SPPL2A: variants seen among roughly 807,000 people sequenced by gnomAD.
SPPL2A encodes the protein signal peptide peptidase-like 2A.
SPPL2A carries 51 observed loss-of-function variants against 63.8 expected under a neutral mutation model. The observed-to-expected ratio is 0.80, with a 90% CI of 0.64 to 1.01. SPPL2A has a LOEUF of 1.01. Among genes scored for constraint, SPPL2A ranks in the 50% least tolerant of loss-of-function variants. The pLI is 0.00. For synonymous variants in SPPL2A, 188 were observed against 205.8 expected, an observed-to-expected ratio of 0.91 and a Z score of 0.74; for missense variants, 553 against 622.7, an observed-to-expected ratio of 0.89 and a Z score of 1.19.
At chr15:50,736,388 G>C (rs939091250) in intron 7 of SPPL2A, among the ~76,000 whole-genome samples, 186 bp from the exon 8 acceptor site, 1 of 152,158 alleles carries the variant, frequency 6.6e-6, no homozygotes, top group Non-Finnish European at 1.5e-5. Flanking sequence ...TTTCTGTGAT[G>C]ATGAATAATG....
intron 10 of SPPL2A, among the ~76,000 whole-genome samples, chr15:50,728,856 C>T (rs1453220564): frequency 3.3e-5 from 5 of 151,274 alleles, no homozygotes; most frequent in African/African-American, 1.2e-4. Flanking sequence ...GCTCTGTTGC[C>T]CGGCTGGAGT....
chr15:50,704,730 GTACTT>G lies in SPPL2A; in HGVS notation c.*3065_*3069del, dbSNP rs2062497148. 1 of 152,026 alleles carries G rather than the reference GTACTT, an allele frequency of 6.6e-6. No homozygotes were observed. The highest frequency in any genetic ancestry group is 6.6e-5 in the Admixed American group (1 of 15,252). 9.4% of individuals were successfully genotyped at this position (152,026 alleles called of 1,614,324 possible). A position where few individuals can be genotyped will look rare whatever the true frequency, so the allele number is the denominator to read the frequency against. On this transcript the variant is annotated 3_prime_UTR_variant, in exon 15 of 15. Coordinates refer to ENST00000261854, the MANE Select transcript of SPPL2A (RefSeq NM_032802.4). ...TTGAGTCCCCAAATAAAATATTTCT[GTACTT>G]TAATTTCTTAATCACTATTGTCAGC... is the stretch of plus-strand genomic sequence containing the variant.
intron 11 of SPPL2A, chr15:50,726,092 G>T: frequency 6.7e-7 from 1 of 1,500,516 alleles, no homozygotes; most frequent in Non-Finnish European, 8.9e-7. Flanking sequence ...GGGAGCTGAG[G>T]GTTGACCAGT....
At chr15:50,713,334 G>A (rs1318336390) in intron 14 of SPPL2A, among the ~76,000 whole-genome samples, 1 of 148,464 alleles carries the variant, frequency 6.7e-6, no homozygotes, top group South Asian at 2.1e-4. Flanking sequence ...GCACAATCTC[G>A]ACTCACTGCA....
chr15:50,729,296 A>ATT (rs2062712514), intron 10 of SPPL2A, among the ~76,000 whole-genome samples: 1 of 152,160 alleles, frequency 6.6e-6, no homozygotes, highest in African/African-American at 2.4e-5. Context: ...AGTTCTATGA[A>ATT]TTTTTCTTTT....
At chr15:50,755,802 A>G (rs1260622795) in intron 1 of SPPL2A, among the ~76,000 whole-genome samples, 1 of 151,938 alleles carries the variant, frequency 6.6e-6, no homozygotes, top group African/African-American at 2.4e-5. Flanking sequence ...CAGTGCTTAT[A>G]GGAGACAAGA....
rs1891691739 is a variant in SPPL2A, at chr15:50,736,669, G to T, written c.805C>A (p.His269Asn). 3 of 1,599,276 alleles carry T rather than the reference G, an allele frequency of 1.9e-6. No homozygotes were observed. The highest frequency in any genetic ancestry group is 2.6e-6 in the Non-Finnish European group (3 of 1,167,224). ...SLYNCLAALI[H>N]KIPYGQCTIA... ...GTGCATTGTCCATATGGTATCTTAT[G>T]AATTAGTGCAGCAAGACAGTTGTAC... Residue 269 changes from histidine (H) to asparagine (N), a missense_variant, in exon 7 of 15, where the codon CAT (histidine) becomes AAT (asparagine). Coordinates refer to ENST00000261854, the MANE Select transcript of SPPL2A (RefSeq NM_032802.4).
chr15:50,765,357 GGAGGTGCGGGCA>G, intron 1 of SPPL2A, 99 bp downstream of exon 1: 1 of 711,398 alleles, frequency 1.4e-6, no homozygotes, highest in Non-Finnish European at 2.2e-6. Context: ...AGCAGGCCGC[GGAGGTGCGGGCA>G]GAGGGGAGGC....
chr15:50,736,040 C>T, intron 8 of SPPL2A, 61 bp downstream of exon 8: 1 of 1,069,722 alleles, frequency 9.3e-7, no homozygotes, highest in Non-Finnish European at 1.4e-6. Context: ...TAATAAGTAT[C>T]AGGGCAAGAT....
intron 6 of SPPL2A, among the ~76,000 whole-genome samples, chr15:50,738,338 C>T (rs914335821): frequency 3.3e-5 from 5 of 152,104 alleles, no homozygotes; most frequent in African/African-American, 1.2e-4. Context: ...CACTTGAGGT[C>T]AGGAGTTCGA....
At position 50,720,517 on chromosome 15, in the gene SPPL2A, CT is replaced by C. The variant is rs750969318; in HGVS notation, c.1328-418del. 2.7e-3 allele frequency among the ~76,000 whole-genome samples: 285 copies of C among 105,564 alleles called. 1 individual carries two copies. The highest frequency in any genetic ancestry group is 0.012 in the Middle Eastern group (2 of 166). The allele number at this position is 105,564 out of a possible 152,430, so 69.3% of individuals were successfully genotyped here. ...AATAAGCACATACTTTTGAACTTTT[CT>C]TTTTTTTTTTTTTTTTTCGAAATGG... On this transcript the variant is annotated intron_variant, in intron 13 of 14. Transcript: ENST00000261854.
chr15:50,733,156 T>C (rs554730841), intron 8 of SPPL2A, among the ~76,000 whole-genome samples: 2 of 152,260 alleles, frequency 1.3e-5, no homozygotes, highest in Admixed American at 6.5e-5. Flanking sequence ...GTTAACAAAA[T>C]ACCAGTGTTA....
intron 12 of SPPL2A, among the ~76,000 whole-genome samples, chr15:50,722,658 T>A (rs1423636736): frequency 6.6e-6 from 1 of 152,248 alleles, no homozygotes; most frequent in Non-Finnish European, 1.5e-5. Flanking sequence ...GGTTTCATCA[T>A]GTTGGTCAGG....
At chr15:50,763,791 G>A (rs1411455892) in intron 1 of SPPL2A, among the ~76,000 whole-genome samples, 4 of 152,122 alleles carry the variant, frequency 2.6e-5, no homozygotes, top group Admixed American at 1.3e-4. Context: ...CCAGCTACTC[G>A]GGAGGCTGAG....
At chr15:50,751,187 T>C (rs981776464) in intron 1 of SPPL2A, among the ~76,000 whole-genome samples, 1 of 152,170 alleles carries the variant, frequency 6.6e-6, no homozygotes, top group African/African-American at 2.4e-5. Flanking sequence ...AAAAGAGAAA[T>C]GTAGTTTTCA....
Position 50,725,261 on chromosome 15 carries a change from C to A in SPPL2A, c.1209G>T (p.Met403Ile). ...CTCCAAAACCCAATATTGAAACAGGCATGAGGCACACACTCATTACTGAGA... is the reference window on the plus strand; with the variant it reads ...CTCCAAAACCCAATATTGAAACAGGAATGAGGCACACACTCATTACTGAGA... ...IYFSVMSVCLMPVSILGFGDI... is the reference protein window; with the variant it reads ...IYFSVMSVCLIPVSILGFGDI... The change falls in exon 12 of 15, where the codon ATG (methionine) becomes ATT (isoleucine). Residue 403 changes from methionine to isoleucine, a missense_variant. Coordinates refer to ENST00000261854, the MANE Select transcript of SPPL2A (RefSeq NM_032802.4). The A allele has an allele frequency of 6.2e-7, 1 of 1,609,072 alleles. No homozygotes were observed. Among genetic ancestry groups the A allele is most frequent in the Non-Finnish European group, 8.5e-7 (1 of 1,176,658 alleles).
chr15:50,705,825 T>C lies in SPPL2A; in HGVS notation c.*1975A>G, dbSNP rs2062503591. On this transcript the variant is annotated 3_prime_UTR_variant, in exon 15 of 15. Transcript: ENST00000261854. ...AGGCATTAGTTTTATTTTTAATAAA[T>C]TGAACTGGCCTTAGATGAAAGATAT... 1 of 152,246 alleles carries C rather than the reference T, an allele frequency of 6.6e-6. No homozygotes were observed. The highest frequency in any genetic ancestry group is 2.4e-5 in the African/African-American group (1 of 41,472). 9.4% of individuals were successfully genotyped at this position (152,246 alleles called of 1,614,324 possible). A position where few individuals can be genotyped will look rare whatever the true frequency, so the allele number is the denominator to read the frequency against.
chr15:50,750,422 A>C (rs76831999), intron 1 of SPPL2A, among the ~76,000 whole-genome samples: 3 of 152,254 alleles, frequency 2.0e-5, no homozygotes, highest in Admixed American at 6.6e-5. Flanking sequence ...AAAATCCATC[A>C]ATCTGTCTTA....
Position 50,702,472 on chromosome 15 carries a change from A to C in SPPL2A, c.*5328T>G, listed in dbSNP as rs1337557829. 1 of 152,196 alleles carries C rather than the reference A, an allele frequency of 6.6e-6. No individual in the cohort carries two copies. Among genetic ancestry groups the C allele is most frequent in the Non-Finnish European group, 1.5e-5 (1 of 68,032 alleles). The allele number at this position is 152,196 out of a possible 1,614,324, so 9.4% of individuals were successfully genotyped here. On this transcript the variant is annotated 3_prime_UTR_variant, in exon 15 of 15. Coordinates refer to ENST00000261854, the MANE Select transcript of SPPL2A (RefSeq NM_032802.4). ...CACTAACTTACATATCAAAGTGTTA[A>C]AAAAGAAATTCCACACTCAAACCAA...
Sources: allele counts gnomAD v4.1 joint callset (sites outside exome capture counted in the v4.1 genomes callset), GRCh38; gene constraint gnomAD v4.1.1; transcripts MANE v1.5; gene names NCBI Gene and HGNC (gene_info 2026-07-23, HGNC 2026-07-21).